Variants in ZBTB16 observed in about 807,000 individuals in gnomAD.
ZBTB16 encodes zinc finger and BTB domain containing 16.
ZBTB16 carries 8 observed loss-of-function variants against 56.8 expected under a neutral mutation model. The ratio of observed to expected loss-of-function variants is 0.14; its 90% CI spans 0.08 to 0.25. ZBTB16 has a LOEUF of 0.25. ZBTB16 is among the 10% of genes least tolerant of loss of function. The probability of loss-of-function intolerance (pLI) is 1.00; values close to 1 mark genes in which losing one functional copy is unlikely to be tolerated. For missense variants in ZBTB16, 625 were observed against 903.0 expected (o/e 0.69, Z 3.95); for synonymous variants, 363 against 368.5 (o/e 0.98, Z 0.17).
chr11:114,066,223 C>T (rs1015545973), intron 2 of ZBTB16, among the ~76,000 whole-genome samples: 1 of 152,124 alleles, frequency 6.6e-6, no homozygotes, highest in African/African-American at 2.4e-5. Context: ...ATCTCATCAC[C>T]CCTAGCCGGA....
intron 2 of ZBTB16, among the ~76,000 whole-genome samples, chr11:114,144,185 C>A (rs866037108): frequency 4.3e-5 from 6 of 140,504 alleles, no homozygotes; most frequent in Non-Finnish European, 7.8e-5. Flanking sequence ...CAGACACACA[C>A]ACACACACAC....
intron 2 of ZBTB16, among the ~76,000 whole-genome samples, chr11:114,138,546 G>A (rs775682115): frequency 3.9e-5 from 6 of 151,922 alleles, no homozygotes; most frequent in Non-Finnish European, 7.4e-5. Flanking sequence ...CTCCTTGAAG[G>A]CATTGCCTGT....
Position 114,254,422 on chromosome 11 carries a change from A to G in ZBTB16, c.*3867A>G, listed in dbSNP as rs1398639935. 6.6e-6 allele frequency among the ~76,000 whole-genome samples: 1 copy of G among 152,120 alleles called. No individual in the cohort carries two copies. Among genetic ancestry groups the G allele is most frequent in the South Asian group, 2.1e-4 (1 of 4,830 alleles). ...AAAAAAAGAAAAAAAAACTGCTGCA[A>G]TTTTTCACAAGTGTATGGTACCTTT... On this transcript the variant is annotated 3_prime_UTR_variant, in exon 7 of 7. Coordinates refer to ENST00000335953, the MANE Select transcript of ZBTB16 (RefSeq NM_006006.6).
intron 3 of ZBTB16, among the ~76,000 whole-genome samples, chr11:114,156,982 C>T (rs529289559): frequency 2.0e-5 from 3 of 152,168 alleles, no homozygotes; most frequent in East Asian, 1.9e-4. Flanking sequence ...TTGGCAGGCC[C>T]GAGTGTTCTT....
chr11:114,233,885 C>T (rs1039821100), intron 4 of ZBTB16, among the ~76,000 whole-genome samples: 11 of 152,204 alleles, frequency 7.2e-5, no homozygotes, highest in South Asian at 2.1e-4. Context: ...ACACGGTTTT[C>T]CGGGAGCCAG....
intron 3 of ZBTB16, among the ~76,000 whole-genome samples, chr11:114,179,107 C>G (rs1396965083): frequency 6.6e-6 from 1 of 152,184 alleles, no homozygotes; most frequent in Non-Finnish European, 1.5e-5. Flanking sequence ...CCACAGCTAC[C>G]CTTGAACCAT....
chr11:114,066,813 C>T (rs180736350), intron 2 of ZBTB16, among the ~76,000 whole-genome samples: 6 of 144,340 alleles, frequency 4.2e-5, no homozygotes, highest in African/African-American at 1.3e-4. Context: ...GCTCTGTCAC[C>T]GGGCTGGAGT....
rs988770162 is a variant in ZBTB16, at chr11:114,143,280, G to T, written c.1269-13057G>T. On this transcript the variant is annotated intron_variant, in intron 2 of 6. Transcript: ENST00000335953. This position sits in a 1 kb window ranked among gnomAD's most constrained non-coding sequence, Gnocchi z 6.4. Reference sequence around the variant, plus strand: ...CCACTAATGCTGTGCCCTTTGCAAGGCTTGAGAATACAAGATGAATGAGGC... The same window carrying T: ...CCACTAATGCTGTGCCCTTTGCAAGTCTTGAGAATACAAGATGAATGAGGC... Among the ~76,000 whole-genome samples the T allele has an allele frequency of 1.3e-5, 2 of 152,138 alleles. No individual in the cohort carries two copies. Among genetic ancestry groups the T allele is most frequent in the Non-Finnish European group, 2.9e-5 (2 of 68,034 alleles).
At chr11:114,096,614 C>G (rs1258251433) in intron 2 of ZBTB16, among the ~76,000 whole-genome samples, 1 of 152,060 alleles carries the variant, frequency 6.6e-6, no homozygotes, top group Non-Finnish European at 1.5e-5. Flanking sequence ...TGTTCATAGA[C>G]TGGTCAGCTG....
At chr11:114,106,266 C>T (rs1230391693) in intron 2 of ZBTB16, among the ~76,000 whole-genome samples, 1 of 152,164 alleles carries the variant, frequency 6.6e-6, no homozygotes, top group Admixed American at 6.5e-5. Flanking sequence ...ATCCCTTCCC[C>T]CTTGGCCGGT....
At chr11:114,183,169 A>G (rs1807280206) in intron 3 of ZBTB16, among the ~76,000 whole-genome samples, 1 of 152,128 alleles carries the variant, frequency 6.6e-6, no homozygotes, top group African/African-American at 2.4e-5. Context: ...GGGGCTAGCA[A>G]TGGGAGCTGA....
At chr11:114,108,055 T>C (rs749038339) in intron 2 of ZBTB16, among the ~76,000 whole-genome samples, 2 of 152,112 alleles carry the variant, frequency 1.3e-5, no homozygotes, top group Non-Finnish European at 2.9e-5. Flanking sequence ...CTGGGAGGGT[T>C]TGAATGCTGC....
intron 4 of ZBTB16, chr11:114,189,823 T>C (rs556061197): frequency 6.6e-6 from 1 of 152,240 alleles, no homozygotes; most frequent in African/African-American, 2.4e-5. Context: ...GTTCTTCTTT[T>C]AGGTATACAG....
chr11:114,148,469 C>T (rs60508168), intron 2 of ZBTB16, among the ~76,000 whole-genome samples: 26,886 of 60,406 alleles, frequency 0.45, 9,892 homozygotes, highest in Middle Eastern at 0.74. Flanking sequence ...CTCTCTCTCT[C>T]TCTTTCTTTC....
At chr11:114,249,769 C>G (rs1354608323) in intron 6 of ZBTB16, among the ~76,000 whole-genome samples, 4 of 5,910 alleles carry the variant, frequency 6.8e-4, no homozygotes, top group South Asian at 0.011. Flanking sequence ...GAGACTCCGT[C>G]TCAAAAAAAA....
At chr11:114,222,031 A>G (rs947103366) in intron 4 of ZBTB16, among the ~76,000 whole-genome samples, 22 of 152,190 alleles carry the variant, frequency 1.4e-4, no homozygotes, top group African/African-American at 5.1e-4. Flanking sequence ...TGCAGAGAAT[A>G]CACTAATGAA....
chr11:114,168,754 T>C (rs1159817015), intron 3 of ZBTB16, among the ~76,000 whole-genome samples: 2 of 152,084 alleles, frequency 1.3e-5, no homozygotes, highest in East Asian at 3.9e-4. Context: ...CTAACCAATC[T>C]CAAACTGGGG....
chr11:114,098,149 T>C (rs562491353), intron 2 of ZBTB16, among the ~76,000 whole-genome samples: 21 of 152,280 alleles, frequency 1.4e-4, no homozygotes, highest in Middle Eastern at 3.4e-3. Context: ...CATGAAAATT[T>C]AAAGACCCAT....
intron 4 of ZBTB16, among the ~76,000 whole-genome samples, chr11:114,239,143 G>A (rs1158760240): frequency 6.6e-6 from 1 of 152,182 alleles, no homozygotes; most frequent in Non-Finnish European, 1.5e-5. Flanking sequence ...AAAGGCCAAG[G>A]GGGCAGAGTG....
Sources: allele counts gnomAD v4.1 joint callset (sites outside exome capture counted in the v4.1 genomes callset), GRCh38; gene constraint gnomAD v4.1.1; non-coding constraint Gnocchi (gnomAD v3.1); transcripts MANE v1.5; gene names NCBI Gene and HGNC (gene_info 2026-07-23, HGNC 2026-07-21).